The following MAPK6 variants were observed in gnomAD, a reference collection of about 807,000 sequenced individuals.
MAPK6 encodes the protein mitogen-activated protein kinase 6, also known as ERK-3.
Under a neutral mutation model 59.3 loss-of-function variants are expected in MAPK6, and 19 were observed. The ratio of observed to expected loss-of-function variants is 0.32; its 90% CI spans 0.22 to 0.47. The LOEUF (loss-of-function observed/expected upper bound fraction) is 0.47. Ranked by LOEUF, MAPK6 falls within the 20% of genes least tolerant of loss-of-function variation. MAPK6 has a pLI of 1.00. For missense variants in MAPK6, 724 were observed against 847.9 expected (o/e 0.85, Z 1.81); for synonymous variants, 316 against 290.3 (o/e 1.09, Z -0.90).
rs2032342554 is a variant in MAPK6, at chr15:52,064,692, G to C, written c.1858G>C (p.Glu620Gln). 4 of 1,611,900 alleles carry C rather than the reference G, an allele frequency of 2.5e-6. No homozygotes were observed. The highest frequency in any genetic ancestry group is 1.7e-5 in the Admixed American group (1 of 59,996). The change falls in exon 6 of 6, where the codon GAG becomes CAG. Residue 620 changes from glutamate to glutamine, a missense_variant. Glu to Gln is a conservative substitution (Grantham distance 29). Around this residue, in one of 4 missense-constraint regions of MAPK6, gnomAD observed 502 missense variants for 507.6 expected, o/e 0.99. Coordinates refer to ENST00000261845, the MANE Select transcript of MAPK6 (RefSeq NM_002748.4). Reference protein sequence around the residue: ...FCEVRKDEQVEKENTYTSYLD... With the variant: ...FCEVRKDEQVQKENTYTSYLD... The stretch of plus-strand genomic sequence containing the variant: ...TGAGGTAAGGAAGGATGAACAAGTT[G>C]AGAAGGAAAACACTTACACTAGTTA...
At chr15:52,021,404 A>G (rs915259821) in intron 1 of MAPK6, 3 of 148,894 alleles carry the variant, frequency 2.0e-5, no homozygotes, top group Non-Finnish European at 4.4e-5. Flanking sequence ...TTTTTTCTAA[A>G]TGATAGGCTA....
At position 52,061,338 on chromosome 15, in the gene MAPK6, T is replaced by C. The variant is rs1411001522; in HGVS notation, c.905T>C (p.Met302Thr). The change falls in exon 5 of 6, where the codon ATG becomes ACG. Residue 302 changes from methionine to threonine, a missense_variant. Met to Thr is a moderately conservative substitution (Grantham distance 81). Coordinates refer to ENST00000261845, the MANE Select transcript of MAPK6 (RefSeq NM_002748.4). ...GAACAAATTTTGACATTTAGCCCCA[T>C]GGATCGGTTAACAGCAGAAGAAGCA... is the stretch of plus-strand genomic sequence containing the variant. ...FLEQILTFSP[M>T]DRLTAEEALS... 1.9e-6 allele frequency: 3 copies of C among 1,614,162 alleles called. No homozygotes were observed. The highest frequency in any genetic ancestry group is 2.2e-5 in the East Asian group (1 of 44,878).
chr15:52,065,980 T>TA lies in MAPK6; in HGVS notation c.*987dup, dbSNP rs1340017637. The TA allele has an allele frequency of 6.6e-6, 1 of 152,568 alleles. No homozygotes were observed. The highest frequency in any genetic ancestry group is 2.4e-5 in the African/African-American group (1 of 41,440). 9.5% of individuals were successfully genotyped at this position (152,568 alleles called of 1,614,324 possible). A position where few individuals can be genotyped will look rare whatever the true frequency, so the allele number is the denominator to read the frequency against. ...AGAAGTCTTAATTGTGTTTATTTTT[T>TA]AAAAAAACAAATGTTAGACTTGTGT... On this transcript the variant is annotated 3_prime_UTR_variant, in exon 6 of 6. Transcript: ENST00000261845.
chr15:52,015,188 A>G (rs1338420761), upstream of MAPK6, among the ~76,000 whole-genome samples: 1 of 151,932 alleles, frequency 6.6e-6, no homozygotes, highest in Non-Finnish European at 1.5e-5. Context: ...TTTAGTAGAG[A>G]TGGGGTTTCA....
chr15:52,031,041 G>A (rs567785347), intron 1 of MAPK6, among the ~76,000 whole-genome samples: 37 of 152,030 alleles, frequency 2.4e-4, no homozygotes, highest in Non-Finnish European at 4.0e-4. Flanking sequence ...GGATCCACCC[G>A]CCTTGGCCTC....
rs757030294 is a variant in MAPK6 at position 52,010,438 on chromosome 15, C to T, written c.-632+6036C>T. ...CCATGTTGGTCAGGCTGGTCTTGAACGCCTGACCTCAGCTGATCCACCCAA... is the reference window on the plus strand; with the variant it reads ...CCATGTTGGTCAGGCTGGTCTTGAATGCCTGACCTCAGCTGATCCACCCAA... On this transcript the variant is annotated intron_variant, in intron 3 of 7. Transcript: ENST00000691380. Among the ~76,000 whole-genome samples, 9 of 151,226 alleles carry T rather than the reference C, an allele frequency of 6.0e-5. No homozygotes were observed. In the South Asian group the frequency reaches 1.0e-3, roughly 18 times the overall value.
intron 5 of MAPK6, among the ~76,000 whole-genome samples, chr15:52,061,820 C>T (rs935178847): frequency 2.0e-5 from 3 of 151,830 alleles, no homozygotes; most frequent in Non-Finnish European, 4.4e-5. Context: ...TATAAATAGC[C>T]GTTAATTAAA....
Position 51,998,751 on chromosome 15 carries a change from C to T in MAPK6, c.-769-5514C>T, listed in dbSNP as rs572704716. On this transcript the variant is annotated intron_variant, in intron 2 of 7. Transcript: ENST00000691380. Reference sequence around the variant, plus strand: ...TGCCGCCCAGGCTGGAGTGCAGTGGCGCAATCTCGGCCCACTGCAAGCTCC... The same window carrying T: ...TGCCGCCCAGGCTGGAGTGCAGTGGTGCAATCTCGGCCCACTGCAAGCTCC... 1.6e-4 allele frequency among the ~76,000 whole-genome samples: 21 copies of T among 131,038 alleles called. No individual in the cohort carries two copies. The East Asian group carries it at 4.7e-3, about 29-fold the overall frequency. 86.0% of individuals were successfully genotyped at this position (131,038 alleles called of 152,430 possible).
chr15:52,012,681 T>G (rs1019024533), intron 3 of MAPK6, among the ~76,000 whole-genome samples: 6 of 151,926 alleles, frequency 3.9e-5, no homozygotes, highest in African/African-American at 1.5e-4. Context: ...GTACCTTAAC[T>G]CAAAACATTG....
At chr15:52,018,953 T>G (rs1450398954), upstream of MAPK6, 1 of 152,364 alleles carries the variant, frequency 6.6e-6, no homozygotes, top group Non-Finnish European at 1.5e-5. Flanking sequence ...GGCACTGGGT[T>G]TGGTCACTTT....
At chr15:51,988,473 C>T (rs2057197854) in intron 2 of MAPK6, among the ~76,000 whole-genome samples, 1 of 152,118 alleles carries the variant, frequency 6.6e-6, no homozygotes, top group South Asian at 2.1e-4. Flanking sequence ...GTGGCTCAAG[C>T]TTGTAATCCC....
intron 2 of MAPK6, among the ~76,000 whole-genome samples, chr15:51,985,875 G>A (rs2057189622): frequency 6.6e-6 from 1 of 151,280 alleles, no homozygotes; most frequent in Non-Finnish European, 1.5e-5. Flanking sequence ...GGCGAATAGC[G>A]TGAACCCAGG....
intron 1 of MAPK6, among the ~76,000 whole-genome samples, chr15:52,043,001 G>A (rs192057254): frequency 1.1e-3 from 166 of 152,244 alleles, no homozygotes; most frequent in Admixed American, 9.3e-3. Flanking sequence ...ACTCCTGCCT[G>A]TAGTCCCAGC....
intron 1 of MAPK6, among the ~76,000 whole-genome samples, chr15:52,037,352 A>G (rs369708713): frequency 7.2e-5 from 11 of 152,192 alleles, no homozygotes; most frequent in African/African-American, 2.7e-4. Context: ...GAGTTAGCTC[A>G]AAAACAACAG....
intron 2 of MAPK6, among the ~76,000 whole-genome samples, chr15:52,001,251 A>C (rs2057241086): frequency 1.3e-5 from 2 of 152,124 alleles, no homozygotes; most frequent in Admixed American, 1.3e-4. Flanking sequence ...CAGCACCTTG[A>C]GCTTGGACTT....
chr15:52,031,037 A>C (rs1038222674), intron 1 of MAPK6, among the ~76,000 whole-genome samples: 3 of 149,380 alleles, frequency 2.0e-5, no homozygotes, highest in African/African-American at 7.4e-5. Flanking sequence ...CAAAGGATCC[A>C]CCCGCCTTGG....
intron 1 of MAPK6, among the ~76,000 whole-genome samples, chr15:52,022,501 A>G (rs1202429630): frequency 1.3e-5 from 2 of 152,284 alleles, no homozygotes; most frequent in South Asian, 2.1e-4. Flanking sequence ...GGCTCAAGCA[A>G]TCTGCCTGCC....
At position 52,058,834 on chromosome 15, in the gene MAPK6, T is replaced by C. The variant is rs745957949; in HGVS notation, c.865+37T>C. 7.1e-6 allele frequency: 11 copies of C among 1,552,866 alleles called. No individual in the cohort carries two copies. In the South Asian group the frequency reaches 1.3e-4, roughly 19 times the overall value. On this transcript the variant is annotated intron_variant, in intron 4 of 5. Transcript: ENST00000261845. Reference sequence around the variant, plus strand: ...CGAGAGTAACCCTCACGTTAATGCCTGTGTGTGAGGCAGAATCTGTGTAGG... The same window carrying C: ...CGAGAGTAACCCTCACGTTAATGCCCGTGTGTGAGGCAGAATCTGTGTAGG...
chr15:52,055,089 C>T (rs971170861), intron 3 of MAPK6, among the ~76,000 whole-genome samples: 2 of 152,180 alleles, frequency 1.3e-5, no homozygotes, highest in Admixed American at 6.5e-5. Flanking sequence ...CAAGTGGACA[C>T]ATTTTAAAGC....
Sources: gnomAD v4.1 joint callset for allele counts (sites outside exome capture counted in the v4.1 genomes callset) on GRCh38, gnomAD v4.1.1 for gene constraint, gnomAD v4.1.1 regional missense constraint, MANE v1.5 for transcripts, NCBI Gene and HGNC (gene_info 2026-07-23, HGNC 2026-07-21) for gene names.